The following SUPT3H variants were observed in gnomAD, a reference collection of about 807,000 sequenced individuals.
SUPT3H encodes transcription initiation protein SPT3 homolog.
Under a neutral mutation model 44.3 loss-of-function variants are expected in SUPT3H, and 44 were observed. The observed-to-expected ratio is 0.99, with a 90% CI of 0.78 to 1.28. The LOEUF is 1.28. Ranked by LOEUF, SUPT3H falls within the 50% of genes most tolerant of loss-of-function variation. SUPT3H has a pLI of 0.00. For missense variants in SUPT3H, 380 were observed against 387.1 expected (o/e 0.98, Z 0.15); for synonymous variants, 124 against 125.6 (o/e 0.99, Z 0.09).
chr6:45,021,466 T>A (rs539582098), intron 3 of SUPT3H, among the ~76,000 whole-genome samples: 7 of 151,908 alleles, frequency 4.6e-5, no homozygotes, highest in African/African-American at 1.4e-4. Flanking sequence ...AATACGCCCA[T>A]CTGAAAAAAA....
intron 6 of SUPT3H, among the ~76,000 whole-genome samples, chr6:44,989,712 A>C (rs1780336671): frequency 6.6e-6 from 1 of 152,082 alleles, no homozygotes; most frequent in Admixed American, 6.6e-5. Flanking sequence ...GAGGTGATAC[A>C]TCTCACTGCA....
chr6:44,927,212 CAA>C (rs1429237443), intron 10 of SUPT3H, among the ~76,000 whole-genome samples: 1 of 151,782 alleles, frequency 6.6e-6, no homozygotes, highest in African/African-American at 2.4e-5. Flanking sequence ...TGATAAGTAA[CAA>C]TATTAGAATA....
At chr6:45,230,960 T>C (rs1267735509) in intron 2 of SUPT3H, among the ~76,000 whole-genome samples, 1 of 152,050 alleles carries the variant, frequency 6.6e-6, no homozygotes, top group East Asian at 1.9e-4. Flanking sequence ...CGTGAGCCAC[T>C]GCGCCCAGCC....
chr6:45,139,699 T>C (rs549077529), intron 2 of SUPT3H, among the ~76,000 whole-genome samples: 2 of 152,170 alleles, frequency 1.3e-5, no homozygotes, highest in South Asian at 4.2e-4. Flanking sequence ...ACACGAAATA[T>C]AAAAGCAGAA....
chr6:44,897,554 G>C (rs1764295768), intron 10 of SUPT3H, among the ~76,000 whole-genome samples: 1 of 152,154 alleles, frequency 6.6e-6, no homozygotes, highest in African/African-American at 2.4e-5. Flanking sequence ...CTGATAATGT[G>C]ATGTACTGGA....
intron 2 of SUPT3H, among the ~76,000 whole-genome samples, chr6:45,212,846 C>T (rs953239011): frequency 1.3e-5 from 2 of 152,106 alleles, no homozygotes; most frequent in Non-Finnish European, 2.9e-5. Context: ...CTTCTGTTTA[C>T]AGGTGATGTC....
chr6:44,858,334 A>G (rs529762716), intron 10 of SUPT3H, among the ~76,000 whole-genome samples: 1 of 152,330 alleles, frequency 6.6e-6, no homozygotes, highest in African/African-American at 2.4e-5. Context: ...TGCTTGTTAC[A>G]TGTCAAGTGC....
intron 2 of SUPT3H, chr6:45,328,161 A>AAG (rs574843755): frequency 2.6e-5 from 18 of 697,814 alleles, no homozygotes; most frequent in Middle Eastern, 5.3e-4. Context: ...TTGTGAGAGA[A>AAG]AGAGAGAGAG....
rs1296521754 is a variant in SUPT3H, at chr6:45,128,523, AAAAAAAAAAAATATATAT to A, written c.102-22535_102-22518del. 3.1e-4 allele frequency among the ~76,000 whole-genome samples: 18 copies of A among 57,788 alleles called. No individual in the cohort carries two copies. In the East Asian group the frequency reaches 5.4e-3, roughly 17 times the overall value. The allele number at this position is 57,788 out of a possible 152,430, so 37.9% of individuals were successfully genotyped here. A position where few individuals can be genotyped will look rare whatever the true frequency, so the allele number is the denominator to read the frequency against. On this transcript the variant is annotated intron_variant, in intron 2 of 10. Transcript: ENST00000371459. Reference sequence around the variant, plus strand: ...TGTCTCAAAAAAAAAAAAAAAAAAAAAAAAAAAAAAATATATATATATATATATATATATACACACACA... The same window carrying A: ...TGTCTCAAAAAAAAAAAAAAAAAAAAATATATATATATATATACACACACA...
intron 11 of SUPT3H, among the ~76,000 whole-genome samples, chr6:44,819,486 AT>A (rs572068213): frequency 0.01 from 1,477 of 143,778 alleles, 15 homozygotes; most frequent in African/African-American, 0.027. Context: ...CAGACTAAGC[AT>A]TTTTTTTTTT....
chr6:44,980,005 T>C (rs1243475009), intron 6 of SUPT3H, among the ~76,000 whole-genome samples: 7 of 152,190 alleles, frequency 4.6e-5, no homozygotes, highest in East Asian at 1.9e-4. Context: ...TGGCTACATA[T>C]ATAAGCCAAA....
At chr6:45,362,728 G>A (rs1794471641) in intron 2 of SUPT3H, among the ~76,000 whole-genome samples, 1 of 152,166 alleles carries the variant, frequency 6.6e-6, no homozygotes, top group African/African-American at 2.4e-5. Context: ...TTCTTCCAGA[G>A]CTGTAGCCAA....
At chr6:44,876,845 A>AG (rs1554143140) in intron 10 of SUPT3H, among the ~76,000 whole-genome samples, 1 of 150,836 alleles carries the variant, frequency 6.6e-6, no homozygotes, top group Non-Finnish European at 1.5e-5. Flanking sequence ...TGAAAAAAAA[A>AG]AAAAAGAAAA....
At chr6:45,288,396 A>T (rs1779657314) in intron 2 of SUPT3H, among the ~76,000 whole-genome samples, 1 of 151,974 alleles carries the variant, frequency 6.6e-6, no homozygotes, top group South Asian at 2.1e-4. Context: ...AACACAAAAA[A>T]ATCACATATT....
chr6:44,919,450 A>G (rs1167607599), intron 10 of SUPT3H, among the ~76,000 whole-genome samples: 1 of 127,638 alleles, frequency 7.8e-6, no homozygotes, highest in Non-Finnish European at 1.6e-5. Flanking sequence ...TTCAAACAGA[A>G]AGCTATAGTG....
chr6:45,192,496 A>G (rs1221121059), intron 2 of SUPT3H, among the ~76,000 whole-genome samples: 3 of 152,180 alleles, frequency 2.0e-5, no homozygotes, highest in Non-Finnish European at 2.9e-5. Flanking sequence ...ATGTTTTTAA[A>G]GAGTATGTTT....
chr6:45,130,712 CTTTTTTTTT>C (rs1194423160), intron 2 of SUPT3H, among the ~76,000 whole-genome samples: 3 of 88,602 alleles, frequency 3.4e-5, no homozygotes, highest in South Asian at 3.7e-4. Context: ...AAAAAAACCA[CTTTTTTTTT>C]TTTTTTTTTT....
At chr6:44,825,669 AAT>A (rs573410606), downstream of SUPT3H, among the ~76,000 whole-genome samples, 3,676 of 152,318 alleles carry the variant, frequency 0.024, 89 homozygotes, top group Non-Finnish European at 0.04. Flanking sequence ...GGTGTGCTGT[AAT>A]TATTATGTCA....
intron 10 of SUPT3H, among the ~76,000 whole-genome samples, chr6:44,917,566 T>C (rs981152326): frequency 1.3e-5 from 2 of 152,088 alleles, no homozygotes; most frequent in Non-Finnish European, 2.9e-5. Context: ...AACATGCAAA[T>C]ATGACTGACA....
Sources: allele counts gnomAD v4.1 joint callset (sites outside exome capture counted in the v4.1 genomes callset), GRCh38; gene constraint gnomAD v4.1.1; transcripts MANE v1.5; gene names NCBI Gene and HGNC (gene_info 2026-07-23, HGNC 2026-07-21).